Variants in NR6A1 observed in about 807,000 individuals in gnomAD.
NR6A1 encodes retinoic acid receptor-related testis-associated receptor.
In NR6A1, 7 loss-of-function variants were observed where a neutral mutation model predicts 59.1. That is an observed-to-expected ratio of 0.12 (90% CI 0.07 to 0.22). NR6A1 has a LOEUF of 0.22. Among genes scored for constraint, NR6A1 ranks in the 10% least tolerant of loss-of-function variants. NR6A1 has a pLI of 1.00. For missense variants in NR6A1, 468 were observed against 611.6 expected (o/e 0.77, Z 2.48); for synonymous variants, 243 against 236.1 (o/e 1.03, Z -0.27).
chr9:124,563,854 T>C (rs1397110073), intron 2 of NR6A1, among the ~76,000 whole-genome samples: 3 of 152,062 alleles, frequency 2.0e-5, no homozygotes, highest in East Asian at 1.9e-4. Context: ...GGTGGGAGAA[T>C]CATTTGAGGC....
intron 2 of NR6A1, among the ~76,000 whole-genome samples, chr9:124,561,749 T>C (rs1261928561): frequency 2.0e-5 from 3 of 151,922 alleles, no homozygotes; most frequent in Non-Finnish European, 4.4e-5. Flanking sequence ...CTGTCTCTAC[T>C]AAAAATACAA....
chr9:124,734,253 GCGTCTGACCA>G (rs924095487), intron 1 of NR6A1, among the ~76,000 whole-genome samples: 3 of 152,206 alleles, frequency 2.0e-5, no homozygotes, highest in Admixed American at 6.5e-5. Context: ...TACTTGTTCA[GCGTCTGACCA>G]CAATGAGACT....
At chr9:124,559,987 A>G (rs1834037227) in intron 2 of NR6A1, among the ~76,000 whole-genome samples, 2 of 152,240 alleles carry the variant, frequency 1.3e-5, no homozygotes, top group Admixed American at 1.3e-4. Flanking sequence ...ACATTTTACA[A>G]TGACTGAATC....
Position 124,688,333 on chromosome 9 carries a change from AG to A in NR6A1, c.142+44974del, listed in dbSNP as rs1838409928. ...CAGCAAGAGACCCTGTCTTTAAAAA[AG>A]AAAAAAAAAAAAGTTATGTGAATGT... On this transcript the variant is annotated intron_variant, in intron 2 of 9. Transcript: ENST00000487099. Among the ~76,000 whole-genome samples the A allele has an allele frequency of 1.3e-5, 2 of 152,030 alleles. 1 individual carries two copies. Among genetic ancestry groups the A allele is most frequent in the Admixed American group, 1.3e-4 (2 of 15,254 alleles).
In NR6A1 at chr9:124,602,758, C is replaced by T. The variant is rs561337959; in HGVS notation, c.143-48188G>A. Among the ~76,000 whole-genome samples the T allele has an allele frequency of 2.1e-4, 32 of 152,270 alleles. No individual in the cohort carries two copies. In the South Asian group the frequency reaches 2.5e-3, roughly 12 times the overall value. On this transcript the variant is annotated intron_variant, in intron 2 of 9. Coordinates refer to ENST00000487099, the MANE Select transcript of NR6A1 (RefSeq NM_033334.4). Reference sequence around the variant, plus strand: ...GATAAAATGCCCCCATTAAGTGTGGCATGATCTCATTGAGTCCCATCAGTG... The same window carrying T: ...GATAAAATGCCCCCATTAAGTGTGGTATGATCTCATTGAGTCCCATCAGTG...
intron 2 of NR6A1, among the ~76,000 whole-genome samples, chr9:124,591,777 A>C (rs868033275): frequency 6.6e-6 from 1 of 152,106 alleles, no homozygotes; most frequent in Non-Finnish European, 1.5e-5. Flanking sequence ...TGCAGTGTGA[A>C]CACCTCCCCC....
At chr9:124,699,265 T>G (rs928897886) in intron 2 of NR6A1, among the ~76,000 whole-genome samples, 9 of 152,180 alleles carry the variant, frequency 5.9e-5, no homozygotes, top group African/African-American at 1.9e-4. Flanking sequence ...TCTTGCCTAC[T>G]TGTCAACCAG....
chr9:124,600,207 A>G (rs886632653), intron 2 of NR6A1, among the ~76,000 whole-genome samples: 1 of 152,248 alleles, frequency 6.6e-6, no homozygotes. Flanking sequence ...AAAAAACAAG[A>G]GCCCAAGATC....
At chr9:124,625,048 A>G (rs1009149713) in intron 2 of NR6A1, among the ~76,000 whole-genome samples, 2 of 151,962 alleles carry the variant, frequency 1.3e-5, no homozygotes, top group African/African-American at 2.4e-5. Context: ...GATAGTAGTT[A>G]TAAGAAAAGC....
chr9:124,657,682 G>A (rs184089862), intron 2 of NR6A1, among the ~76,000 whole-genome samples: 1 of 152,114 alleles, frequency 6.6e-6, no homozygotes, highest in South Asian at 2.1e-4. Context: ...GCAGACCGTG[G>A]CTGTCTTGCA....
At chr9:124,639,052 T>G (rs1224919538) in intron 2 of NR6A1, among the ~76,000 whole-genome samples, 1 of 152,180 alleles carries the variant, frequency 6.6e-6, no homozygotes, top group Non-Finnish European at 1.5e-5. Context: ...AATTGAGCAC[T>G]TATGGGCCGG....
intron 7 of NR6A1, among the ~76,000 whole-genome samples, chr9:124,528,149 C>T (rs1010630095): frequency 1.3e-5 from 2 of 152,326 alleles, no homozygotes; most frequent in Admixed American, 6.5e-5. Flanking sequence ...CTGGAATCTA[C>T]TGCTTTCTGT....
chr9:124,637,131 G>A (rs902604783), intron 2 of NR6A1, among the ~76,000 whole-genome samples: 1 of 152,156 alleles, frequency 6.6e-6, no homozygotes, highest in Non-Finnish European at 1.5e-5. Flanking sequence ...TTTGAGCTCC[G>A]TTTTGAAGTG....
rs541008311 is a variant in NR6A1 at position 124,615,824 on chromosome 9, T to TTTTA, written c.143-61258_143-61255dup. 1.7e-3 allele frequency among the ~76,000 whole-genome samples: 261 copies of TTTTA among 151,888 alleles called. 1 individual carries two copies. In the South Asian group the frequency reaches 0.019, roughly 11 times the overall value. ...CACTTAGTACTTGTACAATCTTAGG[T>TTTTA]TTTATTTATTTATTTATTTATTTAT... On this transcript the variant is annotated intron_variant, in intron 2 of 9. Transcript: ENST00000487099.
intron 1 of NR6A1, among the ~76,000 whole-genome samples, chr9:124,743,396 C>T (rs560963329): frequency 3.3e-5 from 5 of 152,360 alleles, no homozygotes; most frequent in Non-Finnish European, 5.9e-5. Flanking sequence ...TCTCCACCTA[C>T]AAATGTCATG....
chr9:124,757,147 A>G (rs1171782612), intron 1 of NR6A1, among the ~76,000 whole-genome samples: 1 of 152,130 alleles, frequency 6.6e-6, no homozygotes, highest in Non-Finnish European at 1.5e-5. Context: ...TTGGTATGCA[A>G]GGTATCTCAG....
intron 2 of NR6A1, among the ~76,000 whole-genome samples, chr9:124,696,446 T>C (rs1221111374): frequency 6.6e-6 from 1 of 152,062 alleles, no homozygotes; most frequent in Non-Finnish European, 1.5e-5. Context: ...CTCACAGATA[T>C]TTCAAGATAC....
intron 2 of NR6A1, among the ~76,000 whole-genome samples, chr9:124,598,240 G>A (rs1835333325): frequency 6.6e-6 from 1 of 152,072 alleles, no homozygotes; most frequent in Non-Finnish European, 1.5e-5. Context: ...AGGAGGCTGA[G>A]GCAGGAGGAT....
At chr9:124,623,102 C>T (rs1388683649) in intron 2 of NR6A1, among the ~76,000 whole-genome samples, 1 of 152,162 alleles carries the variant, frequency 6.6e-6, no homozygotes, top group East Asian at 1.9e-4. Context: ...GCAGGATTGT[C>T]TCTGCCTCTC....
Sources: gnomAD v4.1 joint callset for allele counts (sites outside exome capture counted in the v4.1 genomes callset) on GRCh38, gnomAD v4.1.1 for gene constraint, MANE v1.5 for transcripts, NCBI Gene and HGNC (gene_info 2026-07-23, HGNC 2026-07-21) for gene names.